The following GTF2H3 variants were observed in gnomAD, a reference collection of about 807,000 sequenced individuals.
GTF2H3 encodes the protein TFIIH basal transcription factor complex p34 subunit.
Under a neutral mutation model 51.1 loss-of-function variants are expected in GTF2H3, and 42 were observed. That is an observed-to-expected ratio of 0.82 (90% CI 0.64 to 1.06). The LOEUF (loss-of-function observed/expected upper bound fraction) is 1.06, where lower values mean the gene tolerates loss of function less well. GTF2H3 is among the 50% of genes least tolerant of loss of function. The pLI, the probability that GTF2H3 is intolerant of heterozygous loss-of-function variation, is 0.00. For missense variants in GTF2H3, 326 were observed against 366.1 expected (o/e 0.89, Z 0.89); for synonymous variants, 123 against 123.8 (o/e 0.99, Z 0.04).
chr12:123,651,434 C>T (rs11572970), intron 5 of GTF2H3, among the ~76,000 whole-genome samples: 3,167 of 152,154 alleles, frequency 0.021, 93 homozygotes, highest in Admixed American at 0.054. Flanking sequence ...TGGTCTCTAA[C>T]TCCTGACTTC....
chr12:123,639,342 A>G lies in GTF2H3; in HGVS notation c.92A>G (p.Gln31Arg), dbSNP rs974401038. Residue 31 changes from glutamine to arginine, a missense_variant and splice_region_variant, in exon 2 of 13, where the codon CAG becomes CGG. Transcript: ENST00000543341. ...GGAAAGCAAGCATTAAAGGAATCTC[A>G]GGTAAGACTGCTTGAGGAGGCCTTT... ...WWGKQALKESQFTLSKCIDAV... is the reference protein window; with the variant it reads ...WWGKQALKESRFTLSKCIDAV... 4 of 1,524,082 alleles carry G rather than the reference A, an allele frequency of 2.6e-6. No individual in the cohort carries two copies. In the South Asian group the frequency reaches 3.4e-5, roughly 13 times the overall value. 94.4% of individuals were successfully genotyped at this position (1,524,082 alleles called of 1,614,324 possible). A position where few individuals can be genotyped will look rare whatever the true frequency, so the allele number is the denominator to read the frequency against.
intron 2 of GTF2H3, among the ~76,000 whole-genome samples, chr12:123,643,548 C>T (rs1208082003): frequency 2.0e-5 from 3 of 152,166 alleles, no homozygotes; most frequent in East Asian, 1.9e-4. Context: ...CAAAAAACAA[C>T]GTAATCTCAA....
At position 123,638,325 on chromosome 12, in the gene GTF2H3, AT is replaced by A. The variant is rs1187510784; in HGVS notation, c.14-924del. Among the ~76,000 whole-genome samples the A allele has an allele frequency of 5.7e-3, 812 of 141,800 alleles. 1 individual carries two copies. The highest frequency in any genetic ancestry group is 0.01 in the African/African-American group (395 of 38,752). 93.0% of individuals were successfully genotyped at this position (141,800 alleles called of 152,430 possible). On this transcript the variant is annotated intron_variant, in intron 1 of 12. Transcript: ENST00000543341. Reference sequence around the variant, plus strand: ...AGGTGCTTGCCACCAAACCCAGCTAATTTTTTTTTTTTTTTGTATTTTTAGT... The same window carrying A: ...AGGTGCTTGCCACCAAACCCAGCTAATTTTTTTTTTTTTTGTATTTTTAGT...
At chr12:123,655,181 T>G (rs1003449336) in intron 8 of GTF2H3, among the ~76,000 whole-genome samples, 183 bp downstream of exon 8, 4 of 152,212 alleles carry the variant, frequency 2.6e-5, no homozygotes, top group Admixed American at 1.3e-4. Context: ...GAGAATCTGA[T>G]GCATTCCCAA....
Position 123,652,703 on chromosome 12 carries a change from G to A in GTF2H3, c.458-4G>A, listed in dbSNP as rs1369174189. On this transcript the variant is annotated splice_polypyrimidine_tract_variant and splice_region_variant and intron_variant, in intron 6 of 12. Coordinates refer to ENST00000543341, the MANE Select transcript of GTF2H3 (RefSeq NM_001516.5). ...AATTTTTTTCTGCTTTTTTCTCTTT[G>A]TAGACAATCAGGAAATGAAATCAAG... 1 of 1,526,118 alleles carries A rather than the reference G, an allele frequency of 6.6e-7. No homozygotes were observed. The allele number at this position is 1,526,118 out of a possible 1,614,324, so 94.5% of individuals were successfully genotyped here. A position where few individuals can be genotyped will look rare whatever the true frequency, so the allele number is the denominator to read the frequency against.
Position 123,645,510 on chromosome 12 carries a change from T to G in GTF2H3, c.149T>G (p.Phe50Cys). Reference protein sequence around the residue: ...AVMVLGNSHLFMNRSNKLAVI... With the variant: ...AVMVLGNSHLCMNRSNKLAVI... ...ATGGTGCTGGGAAATTCGCATTTAT[T>G]CATGAATCGTTCCAACAAACTTGCT... Residue 50 changes from phenylalanine to cysteine, a missense_variant, in exon 3 of 13, where the codon TTC (phenylalanine) becomes TGC (cysteine). Physicochemically the swap from Phe to Cys is radical, Grantham distance 205. Coordinates refer to ENST00000543341, the MANE Select transcript of GTF2H3 (RefSeq NM_001516.5). The G allele has an allele frequency of 6.2e-7, 1 of 1,610,624 alleles. No homozygotes were observed. Among genetic ancestry groups the G allele is most frequent in the Non-Finnish European group, 8.5e-7 (1 of 1,176,848 alleles).
intron 4 of GTF2H3, chr12:123,649,478 C>A (rs1439328130): frequency 6.6e-6 from 1 of 152,292 alleles, no homozygotes; most frequent in East Asian, 1.9e-4. Flanking sequence ...ATTCACCCCA[C>A]GTTTAGAGCC....
chr12:123,649,851 T>C (rs952314419), intron 4 of GTF2H3: 1 of 152,204 alleles, frequency 6.6e-6, no homozygotes, highest in South Asian at 2.1e-4. Context: ...TAAAAATAAT[T>C]GAATTGCATA....
rs1955471070 is a variant in GTF2H3 at position 123,647,943 on chromosome 12, T to A, written c.201-20T>A. 2 of 1,605,476 alleles carry A rather than the reference T, an allele frequency of 1.2e-6. No homozygotes were observed. Among genetic ancestry groups the A allele is most frequent in the Admixed American group, 1.7e-5 (1 of 58,246 alleles). Reference sequence around the variant, plus strand: ...GCGGTGAGGCCTGGTGTAACCAGGTTTTTTCCCCTGCTGTTTCAGCCGATT... The same window carrying A: ...GCGGTGAGGCCTGGTGTAACCAGGTATTTTCCCCTGCTGTTTCAGCCGATT... On this transcript the variant is annotated intron_variant, in intron 3 of 12. Transcript: ENST00000543341.
chr12:123,653,677 C>T (rs1257665404), intron 7 of GTF2H3, among the ~76,000 whole-genome samples: 7 of 149,850 alleles, frequency 4.7e-5, no homozygotes, highest in African/African-American at 1.2e-4. Flanking sequence ...TGCCAAGTAA[C>T]GAGATATTCA....
chr12:123,643,263 T>G (rs571797739), intron 2 of GTF2H3, among the ~76,000 whole-genome samples: 4 of 152,244 alleles, frequency 2.6e-5, no homozygotes, highest in Non-Finnish European at 5.9e-5. Flanking sequence ...CATTGACTTA[T>G]GCAATTTACT....
At chr12:123,659,627 A>T (rs1252907956) in intron 10 of GTF2H3, 43 bp downstream of exon 10, 2 of 1,579,928 alleles carry the variant, frequency 1.3e-6, no homozygotes, top group Non-Finnish European at 1.7e-6. Flanking sequence ...GGAGGGAAGG[A>T]TGACCTCTGT....
intron 7 of GTF2H3, among the ~76,000 whole-genome samples, chr12:123,654,687 G>C (rs543421828): frequency 6.6e-6 from 1 of 152,180 alleles, no homozygotes; most frequent in African/African-American, 2.4e-5. Flanking sequence ...TTTTGGGTGT[G>C]CATGTATATA....
In GTF2H3 at chr12:123,647,947, TC is replaced by T; in HGVS notation, c.201-12del. On this transcript the variant is annotated splice_polypyrimidine_tract_variant and intron_variant, in intron 3 of 12. Transcript: ENST00000543341. ...TGAGGCCTGGTGTAACCAGGTTTTTTCCCCTGCTGTTTCAGCCGATTCTTAT... is the reference window on the plus strand; with the variant it reads ...TGAGGCCTGGTGTAACCAGGTTTTTTCCCTGCTGTTTCAGCCGATTCTTAT... 2 of 1,606,674 alleles carry T rather than the reference TC, an allele frequency of 1.2e-6. No homozygotes were observed. The highest frequency in any genetic ancestry group is 1.7e-4 in the Middle Eastern group (1 of 6,026).
In GTF2H3 at chr12:123,655,804, G is replaced by A. The variant is rs746112121; in HGVS notation, c.595G>A (p.Asp199Asn). The A allele has an allele frequency of 2.2e-5, 35 of 1,600,886 alleles. 1 individual carries two copies. In the South Asian group the frequency reaches 2.3e-4, roughly 11 times the overall value. ...GATTGATGCCTGTGTTTTAGACTCCGACTCAGGGCTCCTCCAACAGGTATG... is the reference window on the plus strand; with the variant it reads ...GATTGATGCCTGTGTTTTAGACTCCAACTCAGGGCTCCTCCAACAGGTATG... Reference protein sequence around the residue: ...ILIDACVLDSDSGLLQQACDI... With the variant: ...ILIDACVLDSNSGLLQQACDI... The change falls in exon 9 of 13, where the codon GAC becomes AAC. Residue 199 changes from aspartate to asparagine, a missense_variant. Physicochemically the swap from Asp to Asn is conservative, Grantham distance 23. Transcript: ENST00000543341.
rs759964376 is a variant in GTF2H3 at position 123,660,081 on chromosome 12, GAGTA to G, written c.857+4_857+7del. The stretch of plus-strand genomic sequence containing the variant: ...TTTCAGCCCCATTTGTACTACGTGC[GAGTA>G]AGTATCTTTGAGATTGTGTGGGTGG... On this transcript the variant is annotated splice_donor_variant and splice_donor_region_variant and coding_sequence_variant and intron_variant, in exon 12 of 13. Transcript: ENST00000543341. LOFTEE classifies it high-confidence loss of function. 7.5e-6 allele frequency: 12 copies of G among 1,607,610 alleles called. No homozygotes were observed. The highest frequency in any genetic ancestry group is 1.7e-5 in the Admixed American group (1 of 58,664).
chr12:123,635,680 T>C (rs543028190), intron 1 of GTF2H3, among the ~76,000 whole-genome samples: 2 of 152,066 alleles, frequency 1.3e-5, no homozygotes, highest in Admixed American at 1.3e-4. Flanking sequence ...CCCAAAGTGT[T>C]GGGATTACAG....
intron 9 of GTF2H3, among the ~76,000 whole-genome samples, chr12:123,658,957 T>C (rs1955619931): frequency 6.6e-6 from 1 of 152,200 alleles, no homozygotes; most frequent in Non-Finnish European, 1.5e-5. Flanking sequence ...GAAAAGATGC[T>C]TAATATCATT....
chr12:123,654,828 G>T, intron 7 of GTF2H3, 96 bp from the exon 8 acceptor site: 1 of 808,250 alleles, frequency 1.2e-6, no homozygotes, highest in Non-Finnish European at 2.2e-6. Context: ...AGACAAACTG[G>T]AATAATGTTG....
Sources: allele counts gnomAD v4.1 joint callset (sites outside exome capture counted in the v4.1 genomes callset), GRCh38; gene constraint gnomAD v4.1.1; transcripts MANE v1.5; gene names NCBI Gene and HGNC (gene_info 2026-07-23, HGNC 2026-07-21).